The following NEXMIF variants were observed in gnomAD, a reference collection of about 807,000 sequenced individuals.
NEXMIF encodes neurite extension and migration factor, also known as XLMR protein related to neurite extension.
NEXMIF carries 8 observed loss-of-function variants against 62.1 expected under a neutral mutation model. That is an observed-to-expected ratio of 0.13 (90% confidence interval 0.08 to 0.23). NEXMIF has a LOEUF of 0.23. Among genes scored for constraint, NEXMIF ranks in the 10% least tolerant of loss-of-function variants. The pLI, the probability that NEXMIF is intolerant of heterozygous loss-of-function variation, is 1.00. For synonymous variants in NEXMIF, 404 were observed against 416.6 expected (o/e 0.97, Z 0.37); for missense variants, 976 against 1,113.3 (o/e 0.88, Z 1.75).
intron 1 of NEXMIF, among the ~76,000 whole-genome samples, chrX:74,808,773 T>A (rs951093403): frequency 1.8e-5 from 2 of 112,116 alleles, no homozygotes; most frequent in African/African-American, 3.2e-5. Flanking sequence ...CTTTTACTGA[T>A]AACATTCCAA....
At chrX:74,776,840 C>T (rs1026492119) in intron 1 of NEXMIF, among the ~76,000 whole-genome samples, 5 of 110,624 alleles carry the variant, frequency 4.5e-5, no homozygotes, top group African/African-American at 1.6e-4. Context: ...ACCAGTTATA[C>T]GTTAGACTTA....
chrX:74,794,453 G>A (rs1300592195), intron 1 of NEXMIF, among the ~76,000 whole-genome samples: 1 of 111,049 alleles, frequency 9.0e-6, no homozygotes, highest in East Asian at 2.9e-4. Context: ...TGCCCCCAGA[G>A]GTGGAGCCTA....
chrX:74,829,598 C>T (rs916313695), intron 1 of NEXMIF, among the ~76,000 whole-genome samples: 5 of 111,581 alleles, frequency 4.5e-5, no homozygotes, highest in African/African-American at 1.6e-4. Flanking sequence ...CATATCATAG[C>T]CCTATTTGCA....
At chrX:74,811,283 T>C (rs2080359648) in intron 1 of NEXMIF, among the ~76,000 whole-genome samples, 2 of 111,978 alleles carry the variant, frequency 1.8e-5, no homozygotes, top group African/African-American at 3.2e-5. Context: ...AAGGCTTACA[T>C]TGTCTACCTT....
chrX:74,816,932 A>G (rs2080377900), intron 1 of NEXMIF, among the ~76,000 whole-genome samples: 1 of 112,259 alleles, frequency 8.9e-6, no homozygotes, highest in Non-Finnish European at 1.9e-5. Flanking sequence ...AGCATCTTAC[A>G]TAGATTTCTT....
At position 74,874,784 on chromosome X, in the gene NEXMIF, GCTCT is replaced by G. The variant is rs755479649; in HGVS notation, c.-48+50095_-48+50098del. Among the ~76,000 whole-genome samples the G allele has an allele frequency of 7.4e-3, 698 of 94,251 alleles. 12 individuals carry two copies. Among genetic ancestry groups the G allele is most frequent in the African/African-American group, 0.027 (670 of 24,666 alleles). 81.8% of individuals were successfully genotyped at this position (94,251 alleles called of 115,157 possible). ...TGAATGGGAGTTCACTCATGATTTG[GCTCT>G]CTGTTTGTCTGTTGTTGGTGTATAA... On this transcript the variant is annotated intron_variant, in intron 1 of 3. Transcript: ENST00000055682.
At chrX:74,794,982 G>A (rs755938896) in intron 1 of NEXMIF, among the ~76,000 whole-genome samples, 1 of 111,520 alleles carries the variant, frequency 9.0e-6, no homozygotes, top group African/African-American at 3.3e-5. Flanking sequence ...GTTCCTATTC[G>A]GCCATCTTGG....
At chrX:74,828,230 C>T (rs1332326274) in intron 1 of NEXMIF, among the ~76,000 whole-genome samples, 2 of 110,981 alleles carry the variant, frequency 1.8e-5, no homozygotes, top group Non-Finnish European at 1.9e-5. Context: ...GTATGATGAG[C>T]GAATAATCTC....
chrX:74,798,601 G>T (rs1001705547), intron 1 of NEXMIF, among the ~76,000 whole-genome samples: 5 of 112,109 alleles, frequency 4.5e-5, no homozygotes, highest in African/African-American at 1.6e-4. Context: ...AGTAATTTTG[G>T]TTTACTTTTT....
rs944240614 is a variant in NEXMIF, at chrX:74,915,800, C to T, written c.-48+9083G>A. On this transcript the variant is annotated intron_variant, in intron 1 of 3. Transcript: ENST00000055682. ...GAAGGGGACCATGAGCTAAAAAATT[C>T]CAGCAGCCCCTAGAAGCCAGAAAAG... Among the ~76,000 whole-genome samples the T allele has an allele frequency of 2.7e-5, 3 of 111,164 alleles. No individual in the cohort carries two copies. The South Asian group carries it at 1.2e-3, about 43-fold the overall frequency.
chrX:74,875,794 A>T (rs1308451471), intron 1 of NEXMIF, among the ~76,000 whole-genome samples: 3 of 111,794 alleles, frequency 2.7e-5, no homozygotes, highest in Admixed American at 9.5e-5. Flanking sequence ...AGGTGTTTGT[A>T]GTATTCTCTG....
intron 1 of NEXMIF, among the ~76,000 whole-genome samples, chrX:74,924,159 C>T (rs765827395): frequency 9.3e-4 from 104 of 111,753 alleles, no homozygotes; most frequent in Middle Eastern, 4.6e-3. Flanking sequence ...CGCGCCGGCT[C>T]ACGGCCTTCC....
rs2147440033 is a variant in NEXMIF, at chrX:74,741,877, T to C, written c.2680A>G (p.Thr894Ala). ...GCCATGAATTCCTGGGTGCCAGAAG[T>C]AGCCTTGTTGGGCCACACATTTCTA... The part of the protein sequence containing the change: ...NYRNVWPNKA[T>A]SGTQEFMAEV... The change falls in exon 3 of 4, where the codon ACT (threonine) becomes GCT (alanine). Residue 894 changes from threonine to alanine, a missense_variant. By Grantham distance (58) the Thr-to-Ala change is moderately conservative. Transcript: ENST00000055682. The C allele has an allele frequency of 8.3e-7, 1 of 1,211,874 alleles. No homozygotes were observed. Among genetic ancestry groups the C allele is most frequent in the African/African-American group, 1.7e-5 (1 of 57,906 alleles).
chrX:74,898,394 G>A (rs184003328), intron 1 of NEXMIF, among the ~76,000 whole-genome samples: 231 of 111,509 alleles, frequency 2.1e-3, no homozygotes, highest in African/African-American at 7.2e-3. Flanking sequence ...AAGCTATCAA[G>A]GTCATCAAAA....
chrX:74,834,151 A>T (rs1487875047), intron 1 of NEXMIF, among the ~76,000 whole-genome samples: 1 of 107,478 alleles, frequency 9.3e-6, no homozygotes, highest in Non-Finnish European at 1.9e-5. Context: ...AAAAAAAAAA[A>T]GAAAGAAAAG....
chrX:74,832,936 T>A (rs2080443132), intron 1 of NEXMIF, among the ~76,000 whole-genome samples: 1 of 111,384 alleles, frequency 9.0e-6, no homozygotes, highest in African/African-American at 3.3e-5. Flanking sequence ...CAAAATTCGT[T>A]TTGTTCTTAA....
chrX:74,742,239 A>G lies in NEXMIF; in HGVS notation c.2318T>C (p.Leu773Pro). The G allele has an allele frequency of 1.7e-6, 2 of 1,211,411 alleles. No individual in the cohort carries two copies. The highest frequency in any genetic ancestry group is 2.2e-6 in the Non-Finnish European group (2 of 895,029). Residue 773 changes from leucine to proline, a missense_variant, in exon 3 of 4, where the codon CTA (leucine) becomes CCA (proline). Coordinates refer to ENST00000055682, the MANE Select transcript of NEXMIF (RefSeq NM_001008537.3). ...AGCCTTTGCCTCATGAAATTCAGAT[A>G]GACGGGAACTGTTTGATGTCCCAGG... Reference protein sequence around the residue: ...VIPGTSNSSRLSEFHEAKAAK... With the variant: ...VIPGTSNSSRPSEFHEAKAAK...
intron 1 of NEXMIF, among the ~76,000 whole-genome samples, chrX:74,820,742 T>G (rs1035776801): frequency 9.8e-5 from 11 of 111,901 alleles, no homozygotes; most frequent in African/African-American, 3.6e-4. Context: ...AGCAAATTAA[T>G]GCAGGAACAT....
intron 1 of NEXMIF, among the ~76,000 whole-genome samples, chrX:74,887,996 G>A (rs1480508290): frequency 1.8e-5 from 2 of 110,762 alleles, no homozygotes; most frequent in African/African-American, 6.6e-5. Flanking sequence ...GTCCTTTGTA[G>A]GGACATGGAT....
Sources: allele counts gnomAD v4.1 joint callset (sites outside exome capture counted in the v4.1 genomes callset), GRCh38; gene constraint gnomAD v4.1.1; transcripts MANE v1.5; gene names NCBI Gene and HGNC (gene_info 2026-07-23, HGNC 2026-07-21).